FANCC: variants seen among roughly 807,000 people sequenced by gnomAD.
FANCC encodes FA complementation group C, also known as Fanconi anemia group C protein.
A neutral mutation model predicts 71.3 loss-of-function variants in FANCC; 55 were observed. That is an observed-to-expected ratio of 0.77 (90% confidence interval 0.62 to 0.97). The LOEUF (loss-of-function observed/expected upper bound fraction) is 0.97. Ranked by LOEUF, FANCC falls within the 50% of genes least tolerant of loss-of-function variation. FANCC has a pLI of 0.00. For missense variants in FANCC, 678 were observed against 670.9 expected (o/e 1.01, Z -0.12); for synonymous variants, 275 against 244.9 (o/e 1.12, Z -1.15).
chr9:95,189,280 TA>T (rs1241829166), intron 4 of FANCC, among the ~76,000 whole-genome samples: 1 of 152,196 alleles, frequency 6.6e-6, no homozygotes, highest in African/African-American at 2.4e-5. Context: ...CTGGTATTTT[TA>T]GAGCCCTTTT....
chr9:95,182,037 G>A (rs1334631769), intron 4 of FANCC, among the ~76,000 whole-genome samples: 1 of 152,160 alleles, frequency 6.6e-6, no homozygotes, highest in Non-Finnish European at 1.5e-5. Context: ...TGGGTGTGGA[G>A]GAAGGGTTGT....
intron 10 of FANCC, among the ~76,000 whole-genome samples, chr9:95,119,975 C>T (rs1324738709): frequency 1.4e-5 from 2 of 141,044 alleles, no homozygotes; most frequent in African/African-American, 2.7e-5. Flanking sequence ...GGGCTCCCAA[C>T]GAGCTGGGAT....
At chr9:95,163,755 A>C (rs1000840347) in intron 6 of FANCC, among the ~76,000 whole-genome samples, 1 of 152,240 alleles carries the variant, frequency 6.6e-6, no homozygotes, top group African/African-American at 2.4e-5. Flanking sequence ...AGGCTGAGGC[A>C]GGAGAATCGC....
intron 4 of FANCC, among the ~76,000 whole-genome samples, chr9:95,228,346 C>T (rs1829761192): frequency 6.6e-6 from 1 of 152,200 alleles, no homozygotes; most frequent in African/African-American, 2.4e-5. Flanking sequence ...CTAACCTTAA[C>T]TTCTCCCTCT....
chr9:95,292,970 T>G, intron 1 of FANCC: 1 of 1,577,870 alleles, frequency 6.3e-7, no homozygotes, highest in South Asian at 1.1e-5. Context: ...TCTACCGAAC[T>G]GGCCACGAGA....
chr9:95,286,662 G>A (rs934013506), intron 1 of FANCC, among the ~76,000 whole-genome samples: 1 of 152,108 alleles, frequency 6.6e-6, no homozygotes, highest in African/African-American at 2.4e-5. Flanking sequence ...CACACATAAC[G>A]TGGGGGCACA....
intron 1 of FANCC, chr9:95,292,344 G>A (rs1331481198): frequency 2.2e-6 from 2 of 891,972 alleles, no homozygotes; most frequent in African/African-American, 1.8e-5. Context: ...AGCCATGGCG[G>A]CCTCGGAGGC....
intron 11 of FANCC, among the ~76,000 whole-genome samples, chr9:95,116,373 G>GTGT (rs1221191112): frequency 6.6e-6 from 1 of 152,236 alleles, no homozygotes; most frequent in South Asian, 2.1e-4. Flanking sequence ...TGAGAAGACA[G>GTGT]TGTTAGGGGA....
chr9:95,277,962 T>C (rs1479947615), intron 1 of FANCC, among the ~76,000 whole-genome samples: 1 of 152,222 alleles, frequency 6.6e-6, no homozygotes, highest in Non-Finnish European at 1.5e-5. Context: ...CTGATAATTA[T>C]GTAATTATAA....
At chr9:95,267,771 A>G (rs1172694487) in intron 1 of FANCC, among the ~76,000 whole-genome samples, 3 of 152,242 alleles carry the variant, frequency 2.0e-5, no homozygotes, top group African/African-American at 4.8e-5. Flanking sequence ...AAAAAAGCTA[A>G]TTAAAAAATA....
At chr9:95,295,208 A>G (rs539081411) in intron 1 of FANCC, among the ~76,000 whole-genome samples, 17 of 152,308 alleles carry the variant, frequency 1.1e-4, no homozygotes, top group South Asian at 1.0e-3. Flanking sequence ...CATCAAACTA[A>G]AAATGTCTTC....
At chr9:95,266,692 C>CCA (rs1239413982) in intron 1 of FANCC, among the ~76,000 whole-genome samples, 1 of 151,946 alleles carries the variant, frequency 6.6e-6, no homozygotes, top group Non-Finnish European at 1.5e-5. Context: ...AAGGTGAAAC[C>CCA]TTTGTAGAGA....
chr9:95,222,937 T>G (rs1829373736), intron 4 of FANCC, among the ~76,000 whole-genome samples: 1 of 152,232 alleles, frequency 6.6e-6, no homozygotes, highest in Non-Finnish European at 1.5e-5. Flanking sequence ...TTTCATCAAG[T>G]AGTTATGCTA....
At chr9:95,240,393 G>C (rs1220673002) in intron 4 of FANCC, among the ~76,000 whole-genome samples, 1 of 152,202 alleles carries the variant, frequency 6.6e-6, no homozygotes, top group East Asian at 1.9e-4. Flanking sequence ...TCACCTGAAA[G>C]AAACTTTTCA....
intron 13 of FANCC, among the ~76,000 whole-genome samples, chr9:95,108,231 A>G (rs1203461173): frequency 3.3e-5 from 5 of 152,224 alleles, no homozygotes; most frequent in Non-Finnish European, 5.9e-5. Context: ...TCTGACCACA[A>G]TACAAGACCG....
chr9:95,147,110 T>C (rs1829670110), intron 7 of FANCC, among the ~76,000 whole-genome samples: 3 of 151,876 alleles, frequency 2.0e-5, no homozygotes, highest in African/African-American at 7.2e-5. Context: ...CAATATTCTA[T>C]TTGAAAAGTA....
At chr9:95,205,772 C>CA (rs922988541) in intron 4 of FANCC, among the ~76,000 whole-genome samples, 1 of 151,766 alleles carries the variant, frequency 6.6e-6, no homozygotes, top group South Asian at 2.1e-4. Flanking sequence ...ATAAAAGCTT[C>CA]AAAAAAATGG....
At chr9:95,138,259 T>G (rs1588143190) in intron 7 of FANCC, among the ~76,000 whole-genome samples, 1 of 152,034 alleles carries the variant, frequency 6.6e-6, no homozygotes, top group Non-Finnish European at 1.5e-5. Flanking sequence ...TGAGGAGGGG[T>G]GCAAGAAGCC....
At chr9:95,293,054 A>G (rs1201470468) in intron 1 of FANCC, 1 of 1,599,992 alleles carries the variant, frequency 6.3e-7, no homozygotes, top group Non-Finnish European at 8.6e-7. Flanking sequence ...AAGTTATCCA[A>G]CAAGACCACT....
Sources: gnomAD v4.1 joint callset for allele counts (sites outside exome capture counted in the v4.1 genomes callset) on GRCh38, gnomAD v4.1.1 for gene constraint, MANE v1.5 for transcripts, NCBI Gene and HGNC (gene_info 2026-07-23, HGNC 2026-07-21) for gene names.